Variants in FNBP1 observed in about 807,000 individuals in gnomAD.
FNBP1 encodes the protein formin binding protein 1, also known as formin-binding protein 1.
A neutral mutation model predicts 90.6 loss-of-function variants in FNBP1; 26 were observed. That is an observed-to-expected ratio of 0.29 (90% CI 0.21 to 0.40). The LOEUF (loss-of-function observed/expected upper bound fraction) is 0.40, where lower values mean the gene tolerates loss of function less well. FNBP1 is among the 10% of genes least tolerant of loss of function. The pLI is 1.00. For synonymous variants in FNBP1, 260 were observed against 265.2 expected (o/e 0.98, Z 0.19); for missense variants, 635 against 768.0 (o/e 0.83, Z 2.05).
At chr9:129,993,552 A>T (rs1174135762) in intron 2 of FNBP1, among the ~76,000 whole-genome samples, 1 of 148,280 alleles carries the variant, frequency 6.7e-6, no homozygotes, top group Non-Finnish European at 1.5e-5. Flanking sequence ...CTGGGCTCAC[A>T]CTATCCTCCC....
intron 6 of FNBP1, among the ~76,000 whole-genome samples, chr9:129,952,535 T>A (rs2046342941): frequency 6.6e-6 from 1 of 152,062 alleles, no homozygotes; most frequent in African/African-American, 2.4e-5. Flanking sequence ...ACCAGCCACA[T>A]GCCATTTGCA....
chr9:130,014,708 C>T (rs960040704), intron 1 of FNBP1, among the ~76,000 whole-genome samples: 1 of 152,014 alleles, frequency 6.6e-6, no homozygotes, highest in African/African-American at 2.4e-5. Flanking sequence ...GGAAAATCTT[C>T]AGGATAAGAG....
intron 2 of FNBP1, among the ~76,000 whole-genome samples, chr9:129,993,769 C>T (rs890404068): frequency 4.6e-5 from 7 of 152,028 alleles, no homozygotes; most frequent in South Asian, 4.2e-4. Flanking sequence ...GGATTACAGG[C>T]GCCTGCCACC....
intron 15 of FNBP1, among the ~76,000 whole-genome samples, chr9:129,899,164 G>A (rs1368811674): frequency 1.3e-5 from 2 of 150,244 alleles, no homozygotes; most frequent in East Asian, 2.0e-4. Context: ...TGCAACCTCC[G>A]CCTCCCGGGT....
intron 6 of FNBP1, among the ~76,000 whole-genome samples, chr9:129,935,770 AGCCACCGC>A (rs1465918856): frequency 1.3e-5 from 2 of 152,158 alleles, no homozygotes; most frequent in Non-Finnish European, 2.9e-5. Flanking sequence ...TATAGGCATG[AGCCACCGC>A]GCCCAGCCCT....
chr9:129,904,027 A>G (rs2037487665), intron 12 of FNBP1, among the ~76,000 whole-genome samples: 1 of 151,782 alleles, frequency 6.6e-6, no homozygotes, highest in Non-Finnish European at 1.5e-5. Context: ...ACAGAGCAAG[A>G]CTCCATCTCA....
At chr9:129,951,200 A>C (rs181214992) in intron 6 of FNBP1, among the ~76,000 whole-genome samples, 1 of 151,612 alleles carries the variant, frequency 6.6e-6, no homozygotes, top group South Asian at 2.1e-4. Context: ...CAGGTGATCC[A>C]CCTGCCTCGG....
At chr9:130,010,815 T>G (rs78668205) in intron 1 of FNBP1, among the ~76,000 whole-genome samples, 6,534 of 150,830 alleles carry the variant, frequency 0.043, 161 homozygotes, top group South Asian at 0.13. Flanking sequence ...TCAACCATTC[T>G]TATTGAGAGC....
At chr9:129,927,076 T>G (rs951151985) in intron 8 of FNBP1, 119 bp downstream of exon 8, 1 of 970,438 alleles carries the variant, frequency 1.0e-6, no homozygotes, top group Non-Finnish European at 1.6e-6. Flanking sequence ...AGAGCATGTG[T>G]GACCACCAAA....
chr9:129,902,188 T>C (rs1200753417), intron 13 of FNBP1, among the ~76,000 whole-genome samples: 1 of 152,182 alleles, frequency 6.6e-6, no homozygotes, highest in Non-Finnish European at 1.5e-5. Flanking sequence ...AGAACAATTG[T>C]ATATTTCAGG....
chr9:129,971,645 C>G (rs1045428383), intron 4 of FNBP1, among the ~76,000 whole-genome samples: 8 of 152,244 alleles, frequency 5.3e-5, no homozygotes, highest in South Asian at 2.1e-4. Flanking sequence ...CCTGCCTTGG[C>G]CTCCCAAAGT....
At chr9:130,040,817 G>A (rs2059755402) in intron 1 of FNBP1, among the ~76,000 whole-genome samples, 1 of 151,710 alleles carries the variant, frequency 6.6e-6, no homozygotes, top group African/African-American at 2.4e-5. Context: ...ATATATACTA[G>A]AAAGAATAGT....
In FNBP1 at chr9:129,900,478, A is replaced by C; in HGVS notation, c.1498T>G (p.Tyr500Asp). ...SEQARRQSGL[Y>D]DSQNPPTVNN... is the part of the protein sequence containing the mutation. ...ACTGTGGGTGGGTTCTGGCTGTCGTACAGTCCGCTCTGCCGGCGCGCCTGC... is the reference window on the plus strand; with the variant it reads ...ACTGTGGGTGGGTTCTGGCTGTCGTCCAGTCCGCTCTGCCGGCGCGCCTGC... Residue 500 changes from tyrosine (Y) to aspartate (D), a missense_variant, in exon 14 of 17, where the codon TAC becomes GAC. Coordinates refer to ENST00000446176, the MANE Select transcript of FNBP1 (RefSeq NM_015033.3). This position sits in a 1 kb window ranked among gnomAD's most constrained non-coding sequence, Gnocchi z 4.1. The C allele has an allele frequency of 6.2e-7, 1 of 1,605,330 alleles. No individual in the cohort carries two copies. The highest frequency in any genetic ancestry group is 8.5e-7 in the Non-Finnish European group (1 of 1,176,390).
At chr9:130,052,579 C>T in the FNBP1 span, among the ~76,000 whole-genome samples, 464 of 151,930 alleles carry the variant, frequency 3.1e-3, 4 homozygotes, top group African/African-American at 0.01. Flanking sequence ...ACTACAGGCG[C>T]GCGGCCGTGA....
rs549102465 is a variant in FNBP1 at position 129,915,959 on chromosome 9, T to C, written c.1185+7A>G. 4 of 1,607,314 alleles carry C rather than the reference T, an allele frequency of 2.5e-6. No individual in the cohort carries two copies. In the South Asian group the frequency reaches 4.4e-5, roughly 18 times the overall value. ...ACTCAGGACATGCATGGAACAATTG[T>C]GCTTACCAGCTTGAGAGAAAGCTTC... On this transcript the variant is annotated splice_region_variant and intron_variant, in intron 11 of 16. Coordinates refer to ENST00000446176, the MANE Select transcript of FNBP1 (RefSeq NM_015033.3).
chr9:129,895,612 C>T, intron 16 of FNBP1: 1 of 1,238,874 alleles, frequency 8.1e-7, no homozygotes, highest in South Asian at 3.9e-5. Flanking sequence ...CAGCTTTCCA[C>T]ATAAAATTTC....
intron 1 of FNBP1, among the ~76,000 whole-genome samples, chr9:130,014,974 TAA>T (rs1241840087): frequency 7.2e-6 from 1 of 138,998 alleles, no homozygotes; most frequent in African/African-American, 2.6e-5. Flanking sequence ...AAAAACTTCT[TAA>T]AAAAAAAAAA....
chr9:130,037,552 G>A (rs2059430266), intron 1 of FNBP1, among the ~76,000 whole-genome samples: 1 of 152,076 alleles, frequency 6.6e-6, no homozygotes, highest in Admixed American at 6.6e-5. Flanking sequence ...ACACTATAAA[G>A]TGTTCTTATA....
At chr9:130,004,547 C>G (rs2055370122) in intron 1 of FNBP1, among the ~76,000 whole-genome samples, 1 of 152,106 alleles carries the variant, frequency 6.6e-6, no homozygotes, top group South Asian at 2.1e-4. Flanking sequence ...TTCCTGAGGA[C>G]TTGGGCATTT....
Sources: allele counts gnomAD v4.1 joint callset (sites outside exome capture counted in the v4.1 genomes callset), GRCh38; gene constraint gnomAD v4.1.1; non-coding constraint Gnocchi (gnomAD v3.1); transcripts MANE v1.5; gene names NCBI Gene and HGNC (gene_info 2026-07-23, HGNC 2026-07-21).